The following TBC1D5 variants were observed in gnomAD, a reference collection of about 807,000 sequenced individuals.
TBC1D5 encodes the protein TBC1 domain family, member 5.
TBC1D5 carries 75 observed loss-of-function variants against 100.3 expected under a neutral mutation model. That is an observed-to-expected ratio of 0.75 (90% confidence interval 0.62 to 0.91). The LOEUF is 0.91. Among genes scored for constraint, TBC1D5 ranks in the 40% least tolerant of loss-of-function variants. The pLI, the probability that TBC1D5 is intolerant of heterozygous loss-of-function variation, is 0.00. For synonymous variants in TBC1D5, 323 were observed against 325.6 expected (o/e 0.99, Z 0.09); for missense variants, 910 against 942.4 (o/e 0.97, Z 0.45).
intron 13 of TBC1D5, among the ~76,000 whole-genome samples, chr3:17,371,420 C>T (rs1322245067): frequency 6.6e-6 from 1 of 152,126 alleles, no homozygotes; most frequent in Non-Finnish European, 1.5e-5. Flanking sequence ...GGCCTTGCAT[C>T]TTTCTTTTGC....
chr3:17,479,515 A>G (rs1167190788), intron 3 of TBC1D5, among the ~76,000 whole-genome samples: 1 of 152,212 alleles, frequency 6.6e-6, no homozygotes, highest in Non-Finnish European at 1.5e-5. Flanking sequence ...ACTGAAAACT[A>G]TCTGATAAAT....
At chr3:17,599,526 A>G (rs2060793179) in intron 2 of TBC1D5, among the ~76,000 whole-genome samples, 1 of 152,086 alleles carries the variant, frequency 6.6e-6, no homozygotes, top group Non-Finnish European at 1.5e-5. Flanking sequence ...GCATCCTTCA[A>G]GTCCATATGA....
chr3:17,270,420 C>A (rs537747298), intron 15 of TBC1D5, among the ~76,000 whole-genome samples: 1 of 152,194 alleles, frequency 6.6e-6, no homozygotes, highest in Admixed American at 6.6e-5. Flanking sequence ...CAATGGAAAC[C>A]CTCTCACAGG....
At chr3:17,580,660 T>C (rs903086644) in intron 2 of TBC1D5, among the ~76,000 whole-genome samples, 27 of 152,100 alleles carry the variant, frequency 1.8e-4, no homozygotes, top group African/African-American at 5.8e-4. Flanking sequence ...TTTAAAAAAA[T>C]CCTCTCTTCA....
At chr3:17,688,915 T>A (rs1228850871) in intron 1 of TBC1D5, among the ~76,000 whole-genome samples, 2 of 152,220 alleles carry the variant, frequency 1.3e-5, no homozygotes, top group Non-Finnish European at 2.9e-5. Context: ...ATAAATTATA[T>A]CTTTCTTATA....
intron 1 of TBC1D5, among the ~76,000 whole-genome samples, chr3:17,658,817 T>C (rs1303263273): frequency 1.3e-5 from 2 of 152,110 alleles, no homozygotes; most frequent in Non-Finnish European, 2.9e-5. Context: ...CATGCACCAC[T>C]ACACCCCACT....
At chr3:17,710,427 G>A (rs979078807) in intron 1 of TBC1D5, among the ~76,000 whole-genome samples, 2 of 151,950 alleles carry the variant, frequency 1.3e-5, no homozygotes, top group African/African-American at 4.8e-5. Flanking sequence ...AGCAGGGTAT[G>A]GTGCCGCATG....
intron 1 of TBC1D5, among the ~76,000 whole-genome samples, chr3:17,676,290 T>C (rs970032921): frequency 6.6e-6 from 1 of 151,772 alleles, no homozygotes; most frequent in Non-Finnish European, 1.5e-5. Flanking sequence ...ATCTAAGAAA[T>C]ATGTCAGCAA....
chr3:17,342,588 T>G (rs1014166170), intron 13 of TBC1D5, among the ~76,000 whole-genome samples: 1 of 152,234 alleles, frequency 6.6e-6, no homozygotes, highest in Non-Finnish European at 1.5e-5. Flanking sequence ...CAAGGCTGAC[T>G]ATTAAAATAA....
intron 1 of TBC1D5, among the ~76,000 whole-genome samples, chr3:17,641,982 A>G (rs1316108185): frequency 6.6e-6 from 1 of 152,144 alleles, no homozygotes; most frequent in Admixed American, 6.6e-5. Flanking sequence ...ATTAGATAGT[A>G]TTGCTCTTTT....
In TBC1D5 at chr3:17,214,377, G is replaced by C; in HGVS notation, c.1589-7C>G. On this transcript the variant is annotated splice_polypyrimidine_tract_variant and splice_region_variant and intron_variant, in intron 17 of 21. Coordinates refer to ENST00000253692, the Ensembl canonical transcript of TBC1D5. The stretch of plus-strand genomic sequence containing the variant: ...ATGTTTTTAGAACTTAGCCCTGTAA[G>C]AAAAATTAAGTAGCAATAATGAAAC... The C allele has an allele frequency of 6.2e-7, 1 of 1,607,190 alleles. No individual in the cohort carries two copies. The highest frequency in any genetic ancestry group is 1.1e-5 in the South Asian group (1 of 89,164).
rs530347540 is a variant in TBC1D5, at chr3:17,350,043, G to A, written c.995+22032C>T. Among the ~76,000 whole-genome samples, 4 of 152,232 alleles carry A rather than the reference G, an allele frequency of 2.6e-5. No individual in the cohort carries two copies. In the South Asian group the frequency reaches 6.2e-4, roughly 24 times the overall value. On this transcript the variant is annotated intron_variant, in intron 13 of 21. Transcript: ENST00000253692. ...TTTATTTATTTACTGCAAGAGTGGA[G>A]AATTAAGATAGAGTAGTTTATTTCA...
Position 17,616,356 on chromosome 3 carries a change from C to T in TBC1D5, c.-36+7493G>A, listed in dbSNP as rs2062151121. ...GTACAATATGGTGCTTAGAAGAATG[C>T]ATATTCTGTTGAGTTGGGGTGGAGA... On this transcript the variant is annotated intron_variant, in intron 2 of 21. Transcript: ENST00000253692. Among the ~76,000 whole-genome samples the T allele has an allele frequency of 2.0e-5, 3 of 151,760 alleles. No homozygotes were observed. The South Asian group carries it at 6.2e-4, about 32-fold the overall frequency.
chr3:17,244,779 T>C (rs371756280), intron 16 of TBC1D5, among the ~76,000 whole-genome samples: 2 of 152,180 alleles, frequency 1.3e-5, no homozygotes, highest in Non-Finnish European at 2.9e-5. Context: ...TCCATGCTTA[T>C]AGATATCAAT....
At chr3:17,549,668 C>T (rs1249571351) in intron 2 of TBC1D5, among the ~76,000 whole-genome samples, 3 of 151,870 alleles carry the variant, frequency 2.0e-5, no homozygotes, top group Non-Finnish European at 4.4e-5. Context: ...CTGTGGCTCA[C>T]GCCTGTAATC....
intron 2 of TBC1D5, among the ~76,000 whole-genome samples, chr3:17,515,945 T>A (rs1046865091): frequency 6.6e-6 from 1 of 152,206 alleles, no homozygotes; most frequent in African/African-American, 2.4e-5. Context: ...TTGGGGATTT[T>A]AAATCATTAT....
chr3:17,177,921 A>C (rs1306007595), intron 19 of TBC1D5, among the ~76,000 whole-genome samples: 4 of 152,086 alleles, frequency 2.6e-5, no homozygotes, highest in African/African-American at 9.7e-5. Flanking sequence ...CCATGAGTTC[A>C]ATTGTTTTTA....
chr3:17,396,548 T>G (rs528013775), intron 8 of TBC1D5, among the ~76,000 whole-genome samples: 2 of 152,044 alleles, frequency 1.3e-5, no homozygotes, highest in African/African-American at 2.4e-5. Flanking sequence ...GAGTATTTCT[T>G]TTTCAAAATA....
chr3:17,575,298 G>C (rs1176030608), intron 2 of TBC1D5: 3 of 149,406 alleles, frequency 2.0e-5, no homozygotes, highest in African/African-American at 4.9e-5. Flanking sequence ...CTTGGCGACA[G>C]AGTGAATATT....
Sources: gnomAD v4.1 joint callset for allele counts (sites outside exome capture counted in the v4.1 genomes callset) on GRCh38, gnomAD v4.1.1 for gene constraint, MANE v1.5 for transcripts, NCBI Gene and HGNC (gene_info 2026-07-23, HGNC 2026-07-21) for gene names.